The following CDH2 variants were observed in gnomAD, a reference collection of about 807,000 sequenced individuals.
CDH2 encodes the protein cadherin-2.
CDH2 carries 17 observed loss-of-function variants against 92.0 expected under a neutral mutation model. That is an observed-to-expected ratio of 0.18 (90% CI 0.13 to 0.28). The LOEUF (loss-of-function observed/expected upper bound fraction) is 0.28, where lower values mean the gene tolerates loss of function less well. Among genes scored for constraint, CDH2 ranks in the 10% least tolerant of loss-of-function variants. The probability of loss-of-function intolerance (pLI) is 1.00; values close to 1 mark genes in which losing one functional copy is unlikely to be tolerated. For missense variants in CDH2, 862 were observed against 1,133.1 expected (o/e 0.76, Z 3.44); for synonymous variants, 419 against 415.9 (o/e 1.01, Z -0.09).
At chr18:28,149,086 G>C (rs1314121529) in intron 1 of CDH2, among the ~76,000 whole-genome samples, 1 of 152,130 alleles carries the variant, frequency 6.6e-6, no homozygotes, top group Non-Finnish European at 1.5e-5. Flanking sequence ...AGAAGAACCA[G>C]TCCCCTAAAA....
chr18:28,066,831 A>G (rs1269006303), intron 2 of CDH2, among the ~76,000 whole-genome samples: 1 of 152,168 alleles, frequency 6.6e-6, no homozygotes, highest in Non-Finnish European at 1.5e-5. Flanking sequence ...TCATTTATGT[A>G]TATACTCCTC....
chr18:27,952,620 T>C (rs1179573731), intron 15 of CDH2, among the ~76,000 whole-genome samples: 2 of 151,730 alleles, frequency 1.3e-5, no homozygotes, highest in Admixed American at 1.3e-4. Context: ...AGGGAGGGGG[T>C]TAACTGGGTA....
At chr18:28,032,274 T>G (rs1033689174) in intron 2 of CDH2, among the ~76,000 whole-genome samples, 2 of 152,094 alleles carry the variant, frequency 1.3e-5, no homozygotes, top group African/African-American at 4.8e-5. Context: ...CATTCATATA[T>G]GTATTACATC....
chr18:28,167,132 C>T (rs989452922), intron 1 of CDH2, among the ~76,000 whole-genome samples: 3 of 152,034 alleles, frequency 2.0e-5, no homozygotes, highest in African/African-American at 7.2e-5. Context: ...AGTCTGTTAA[C>T]ACCTAAATCT....
intron 1 of CDH2, among the ~76,000 whole-genome samples, chr18:28,166,003 G>A (rs1427884506): frequency 6.6e-6 from 1 of 151,128 alleles, no homozygotes; most frequent in East Asian, 1.9e-4. Context: ...GTAAATTTCA[G>A]GTAAGTAAAA....
chr18:28,009,348 T>C (rs2013030093), intron 5 of CDH2, among the ~76,000 whole-genome samples: 1 of 151,722 alleles, frequency 6.6e-6, no homozygotes, highest in Non-Finnish European at 1.5e-5. Flanking sequence ...TAGAATACTA[T>C]GCATTCATTA....
chr18:28,043,639 T>C (rs749815533), intron 2 of CDH2, among the ~76,000 whole-genome samples: 3 of 150,596 alleles, frequency 2.0e-5, no homozygotes, highest in Admixed American at 6.6e-5. Context: ...CCAAACTTTA[T>C]GGTTTTTCCT....
intron 2 of CDH2, among the ~76,000 whole-genome samples, chr18:28,048,504 T>C (rs2014125186): frequency 6.6e-6 from 1 of 152,182 alleles, no homozygotes; most frequent in South Asian, 2.1e-4. Context: ...AGAATAACTG[T>C]ATTCGATACG....
At chr18:27,957,789 T>C (rs998972148) in intron 15 of CDH2, among the ~76,000 whole-genome samples, 2 of 152,234 alleles carry the variant, frequency 1.3e-5, no homozygotes, top group African/African-American at 4.8e-5. Context: ...TATGTGGATA[T>C]AAAAGTACAC....
intron 2 of CDH2, among the ~76,000 whole-genome samples, chr18:28,138,530 C>T (rs2015901505): frequency 6.6e-6 from 1 of 152,062 alleles, no homozygotes; most frequent in African/African-American, 2.4e-5. Context: ...GAAGAGTAAA[C>T]AAGAATCCTC....
At chr18:27,948,158 C>T (rs188629089), downstream of CDH2, among the ~76,000 whole-genome samples, 24 of 149,922 alleles carry the variant, frequency 1.6e-4, no homozygotes, top group South Asian at 2.1e-4. Flanking sequence ...AGTGTGTATA[C>T]GGTAAAGAAT....
intron 1 of CDH2, among the ~76,000 whole-genome samples, chr18:28,156,109 G>A (rs1022695375): frequency 6.6e-6 from 1 of 152,052 alleles, no homozygotes; most frequent in Admixed American, 6.6e-5. Flanking sequence ...ACCACACTGA[G>A]GCCACACATT....
At chr18:28,123,015 C>T (rs2015617752) in intron 2 of CDH2, among the ~76,000 whole-genome samples, 1 of 152,080 alleles carries the variant, frequency 6.6e-6, no homozygotes, top group Admixed American at 6.6e-5. Flanking sequence ...TGGTAGCCAA[C>T]AAGGTGACAA....
chr18:27,944,921 A>C (rs979732438), intron 6 of CDH2, among the ~76,000 whole-genome samples: 3 of 152,136 alleles, frequency 2.0e-5, no homozygotes, highest in Non-Finnish European at 4.4e-5. Flanking sequence ...TGTCTAAAAA[A>C]ACTGTAATTC....
In CDH2 at chr18:28,050,707, G is replaced by C. The variant is rs74456607; in HGVS notation, c.173-36798C>G. On this transcript the variant is annotated intron_variant, in intron 2 of 15. Transcript: ENST00000269141. ...TTTTTCACTTTTGTTGCTCTGCAGG[G>C]ACTCATCTAGCACTGAAATAGCTCT... 2.9e-3 allele frequency among the ~76,000 whole-genome samples: 448 copies of C among 152,184 alleles called. 3 individuals are homozygous for C. Among genetic ancestry groups the C allele is most frequent in the African/African-American group, 0.01 (434 of 41,536 alleles).
downstream of CDH2, among the ~76,000 whole-genome samples, chr18:27,948,615 G>A (rs1909334892): frequency 6.6e-6 from 1 of 151,652 alleles, no homozygotes; most frequent in Non-Finnish European, 1.5e-5. Context: ...TAACTCAACA[G>A]GGAAAATAAA....
intron 1 of CDH2, among the ~76,000 whole-genome samples, chr18:28,163,184 T>C (rs74476658): frequency 4.6e-5 from 7 of 152,342 alleles, no homozygotes; most frequent in Non-Finnish European, 1.0e-4. Context: ...AATGAGACAT[T>C]ATTATGCAGT....
At chr18:28,163,250 G>A (rs925518045) in intron 1 of CDH2, among the ~76,000 whole-genome samples, 2 of 152,122 alleles carry the variant, frequency 1.3e-5, no homozygotes, top group Admixed American at 1.3e-4. Flanking sequence ...CTAAAATTAG[G>A]GGGAAACTAT....
intron 1 of CDH2, among the ~76,000 whole-genome samples, chr18:28,158,132 T>C (rs1807552335): frequency 6.6e-6 from 1 of 152,160 alleles, no homozygotes. Context: ...TAGCTGGCCA[T>C]AGTGATGATT....
Sources: gnomAD v4.1 joint callset for allele counts (sites outside exome capture counted in the v4.1 genomes callset) on GRCh38, gnomAD v4.1.1 for gene constraint, MANE v1.5 for transcripts, NCBI Gene and HGNC (gene_info 2026-07-23, HGNC 2026-07-21) for gene names.